SCML2: variants seen among roughly 807,000 people sequenced by gnomAD.
SCML2 encodes the protein sex comb on midleg-like protein 2.
In SCML2, 6 loss-of-function variants were observed where a neutral mutation model predicts 48.4. The ratio of observed to expected loss-of-function variants is 0.12; its 90% confidence interval spans 0.07 to 0.24. SCML2 has a LOEUF of 0.24. SCML2 is among the 10% of genes least tolerant of loss of function. The pLI is 1.00. For missense variants in SCML2, 377 were observed against 528.2 expected (o/e 0.71, Z 2.81); for synonymous variants, 181 against 189.5 (o/e 0.95, Z 0.37).
chrX:18,348,068 C>T (rs898947584), intron 1 of SCML2, among the ~76,000 whole-genome samples: 1 of 111,947 alleles, frequency 8.9e-6, no homozygotes, highest in African/African-American at 3.2e-5. Context: ...AGAAGTATGT[C>T]ATGTCAGAAA....
intron 1 of SCML2, among the ~76,000 whole-genome samples, chrX:18,344,761 G>T (rs1930145496): frequency 9.0e-6 from 1 of 111,408 alleles, no homozygotes; most frequent in South Asian, 3.8e-4. Context: ...CTTATAAATT[G>T]CCCAGTTTCA....
chrX:18,315,932 T>C (rs1194479601), intron 6 of SCML2, among the ~76,000 whole-genome samples: 1 of 110,382 alleles, frequency 9.1e-6, no homozygotes, highest in Non-Finnish European at 1.9e-5. Flanking sequence ...TCTGCTGTTA[T>C]TTTAGGTTGA....
intron 11 of SCML2, 66 bp downstream of exon 11, chrX:18,256,782 A>G: frequency 6.5e-6 from 6 of 916,449 alleles, no homozygotes; most frequent in Non-Finnish European, 7.3e-6. Context: ...AGGAGAACAC[A>G]AGGAAAAACA....
At chrX:18,330,462 CAGA>C in intron 3 of SCML2, 122 bp downstream of exon 3, 2 of 326,394 alleles carry the variant, frequency 6.1e-6, no homozygotes, top group Non-Finnish European at 5.4e-6. Context: ...TTTGTATTTA[CAGA>C]AGTTTACAGT....
At chrX:18,310,278 T>G (rs1928905330) in intron 6 of SCML2, among the ~76,000 whole-genome samples, 1 of 94,543 alleles carries the variant, frequency 1.1e-5, no homozygotes, top group Non-Finnish European at 2.1e-5. Context: ...TTTTTTTTTT[T>G]TTTTTTTGAG....
At chrX:18,344,636 A>T (rs948613105) in intron 1 of SCML2, among the ~76,000 whole-genome samples, 2 of 111,298 alleles carry the variant, frequency 1.8e-5, no homozygotes, top group Non-Finnish European at 3.8e-5. Context: ...ATAAAGAGAA[A>T]CGCCTTTCAC....
At chrX:18,341,889 T>C (rs948043170) in intron 1 of SCML2, among the ~76,000 whole-genome samples, 1 of 112,403 alleles carries the variant, frequency 8.9e-6, no homozygotes, top group Admixed American at 9.5e-5. Context: ...GTCACAAGGA[T>C]GGAGATTATA....
rs748332633 is a variant in SCML2 at position 18,276,179 on chromosome X, C to T, written c.731-10377G>A. On this transcript the variant is annotated intron_variant, in intron 7 of 14. Transcript: ENST00000251900. ...GCGTGGTGGTGCACACCTGTAGTTCCGCTACTCGGGAGCATGAGGCACGAC... is the reference window on the plus strand; with the variant it reads ...GCGTGGTGGTGCACACCTGTAGTTCTGCTACTCGGGAGCATGAGGCACGAC... Among the ~76,000 whole-genome samples the T allele has an allele frequency of 2.9e-3, 322 of 110,607 alleles. 1 individual carries two copies. The highest frequency in any genetic ancestry group is 7.6e-3 in the African/African-American group (232 of 30,339).
chrX:18,297,833 A>C (rs1928447568), intron 7 of SCML2, among the ~76,000 whole-genome samples: 1 of 110,660 alleles, frequency 9.0e-6, no homozygotes, highest in African/African-American at 3.3e-5. Context: ...CACAAAAAAC[A>C]AAACAAAACA....
At chrX:18,347,103 T>C (rs1930221617) in intron 1 of SCML2, among the ~76,000 whole-genome samples, 1 of 112,025 alleles carries the variant, frequency 8.9e-6, no homozygotes, top group South Asian at 3.7e-4. Flanking sequence ...AATACTGTAA[T>C]TACATTTAAA....
intron 7 of SCML2, among the ~76,000 whole-genome samples, chrX:18,296,524 C>A (rs1338380721): frequency 9.0e-6 from 1 of 110,766 alleles, no homozygotes; most frequent in Admixed American, 9.6e-5. Context: ...GGCAGAGAAA[C>A]CTATTTAGCA....
At chrX:18,307,716 C>T (rs1373010103) in intron 6 of SCML2, among the ~76,000 whole-genome samples, 1 of 111,628 alleles carries the variant, frequency 9.0e-6, no homozygotes, top group Non-Finnish European at 1.9e-5. Context: ...TGGCTCATGC[C>T]TGTAATCCCA....
intron 3 of SCML2, among the ~76,000 whole-genome samples, chrX:18,326,647 T>G (rs1929488780): frequency 1.1e-5 from 1 of 94,577 alleles, no homozygotes; most frequent in Non-Finnish European, 2.1e-5. Flanking sequence ...ACCACTGCAC[T>G]CCAGCCTGGG....
chrX:18,277,872 G>A (rs955846482), intron 7 of SCML2, among the ~76,000 whole-genome samples: 6 of 111,029 alleles, frequency 5.4e-5, no homozygotes, highest in Non-Finnish European at 1.1e-4. Flanking sequence ...TTCCCACCAA[G>A]AGAGGCCAAA....
Position 18,246,754 on chromosome X carries a change from G to C in SCML2, c.1645C>G (p.Leu549Val), listed in dbSNP as rs1422512820. ...NLSEDSKSSS[L>V]NSGNYLNPAC... Reference sequence around the variant, plus strand: ...GGATTCAAATAATTTCCTGAATTTAGTGATGAGCTCTTAGAATCTTCTGAA... The same window carrying C: ...GGATTCAAATAATTTCCTGAATTTACTGATGAGCTCTTAGAATCTTCTGAA... The change falls in exon 13 of 15, where the codon CTA becomes GTA. Residue 549 changes from leucine (L) to valine (V), a missense_variant. This residue lies in a region of SCML2 where 299 missense variants were observed against 425.5 expected (regional missense o/e 0.70). Transcript: ENST00000251900. 1.7e-6 allele frequency: 2 copies of C among 1,204,785 alleles called. No individual in the cohort carries two copies. Among genetic ancestry groups the C allele is most frequent in the Non-Finnish European group, 2.2e-6 (2 of 889,443 alleles).
At chrX:18,342,677 AC>A (rs1474291918) in intron 1 of SCML2, among the ~76,000 whole-genome samples, 1 of 105,669 alleles carries the variant, frequency 9.5e-6, no homozygotes. Context: ...ATGCCACTGA[AC>A]TCCAGCCTGG....
chrX:18,248,794 T>A (rs1926541524), intron 11 of SCML2, among the ~76,000 whole-genome samples: 2 of 112,519 alleles, frequency 1.8e-5, no homozygotes, highest in South Asian at 7.3e-4. Flanking sequence ...CATTTAATAA[T>A]ATGGAATATT....
Position 18,265,799 on chromosome X carries a change from G to C in SCML2, c.734C>G (p.Pro245Arg). 1.7e-6 allele frequency: 2 copies of C among 1,173,632 alleles called. No homozygotes were observed. Among genetic ancestry groups the C allele is most frequent in the Non-Finnish European group, 2.3e-6 (2 of 867,001 alleles). Residue 245 changes from proline (P) to arginine (R), a missense_variant, in exon 8 of 15, where the codon CCT (proline) becomes CGT (arginine). Physicochemically the swap from Pro to Arg is moderately radical, Grantham distance 103 (BLOSUM62 -2). Around this residue, in one of 3 missense-constraint regions of SCML2, gnomAD observed 299 missense variants for 425.5 expected, o/e 0.70. Coordinates refer to ENST00000251900, the MANE Select transcript of SCML2 (RefSeq NM_006089.3). Reference protein sequence around the residue: ...DVLQPPGTSVPIVKNIAKTES... With the variant: ...DVLQPPGTSVRIVKNIAKTES... ...TGTTTTTGCTATATTCTTTACAATAGGAACTGAGGAAAAAAATACAAAAAA... is the reference window on the plus strand; with the variant it reads ...TGTTTTTGCTATATTCTTTACAATACGAACTGAGGAAAAAAATACAAAAAA...
intron 6 of SCML2, among the ~76,000 whole-genome samples, chrX:18,317,491 T>C (rs1929159882): frequency 8.9e-6 from 1 of 111,938 alleles, no homozygotes; most frequent in Admixed American, 9.5e-5. Flanking sequence ...ATATGTACAA[T>C]ATATTCCAAC....
Sources: gnomAD v4.1 joint callset for allele counts (sites outside exome capture counted in the v4.1 genomes callset) on GRCh38, gnomAD v4.1.1 for gene constraint, gnomAD v4.1.1 regional missense constraint, MANE v1.5 for transcripts, NCBI Gene and HGNC (gene_info 2026-07-23, HGNC 2026-07-21) for gene names.